SH3PXD2B: variants seen among roughly 807,000 people sequenced by gnomAD.
The protein encoded by SH3PXD2B is SH3 and PX domain-containing protein 2B.
SH3PXD2B carries 37 observed loss-of-function variants against 73.1 expected under a neutral mutation model. The observed-to-expected ratio is 0.51, with a 90% CI of 0.39 to 0.67. SH3PXD2B has a LOEUF of 0.67. Ranked by LOEUF, SH3PXD2B falls within the 30% of genes least tolerant of loss-of-function variation. The probability of loss-of-function intolerance (pLI) is 0.00; values close to 1 mark genes in which losing one functional copy is unlikely to be tolerated. For missense variants in SH3PXD2B, 1,053 were observed against 1,197.8 expected, an observed-to-expected ratio of 0.88 and a Z score of 1.78; for synonymous variants, 457 against 480.5, an observed-to-expected ratio of 0.95 and a Z score of 0.64.
At chr5:172,346,384 G>T in intron 11 of SH3PXD2B, 123 bp from the exon 12 acceptor site, 1 of 1,448,708 alleles carries the variant, frequency 6.9e-7, no homozygotes, top group Non-Finnish European at 9.5e-7. Flanking sequence ...GACCTAGTTG[G>T]ATTCTAAGGG....
In SH3PXD2B at chr5:172,340,015, G is replaced by A. The variant is rs541935731; in HGVS notation, c.1189-99C>T. The A allele has an allele frequency of 9.8e-5, 154 of 1,565,952 alleles. No homozygotes were observed. The African/African-American group carries it at 2.0e-3, about 21-fold the overall frequency. ...ATGTGCAACTGGAGCTCTAGAAGCT[G>A]TCACTGTGTACTCAGCAGCTCCTCT... On this transcript the variant is annotated intron_variant, in intron 12 of 12. Transcript: ENST00000311601.
At chr5:172,341,299 C>G (rs11748349) in intron 12 of SH3PXD2B, among the ~76,000 whole-genome samples, 67 of 152,066 alleles carry the variant, frequency 4.4e-4, no homozygotes, top group Non-Finnish European at 9.0e-4. Flanking sequence ...ATGTATGTCC[C>G]CACCCAAGTC....
At position 172,406,304 on chromosome 5, in the gene SH3PXD2B, T is replaced by G. The variant is rs778606247; in HGVS notation, c.205A>C (p.Lys69Gln). 3.7e-6 allele frequency: 6 copies of G among 1,614,128 alleles called. No individual in the cohort carries two copies. Among genetic ancestry groups the G allele is most frequent in the Non-Finnish European group, 4.2e-6 (5 of 1,180,000 alleles). The change falls in exon 3 of 13, where the codon AAG (lysine) becomes CAG (glutamine). Residue 69 changes from lysine (K) to glutamine (Q), a missense_variant. Lys to Gln is a moderately conservative substitution (Grantham distance 53). Around this residue, in one of 2 missense-constraint regions of SH3PXD2B, gnomAD observed 466 missense variants for 607.1 expected, o/e 0.77. Coordinates refer to ENST00000311601, the MANE Select transcript of SH3PXD2B (RefSeq NM_001017995.3). ...FPMEGGQKDP[K>Q]QRIIPFLPGK... Reference sequence around the variant, plus strand: ...GGCAGAAAGGGGATGATCCGCTGCTTGGGGTCCTTCTGTCCTCCTTCCATG... The same window carrying G: ...GGCAGAAAGGGGATGATCCGCTGCTGGGGGTCCTTCTGTCCTCCTTCCATG...
At chr5:172,415,334 G>C (rs1039581116) in intron 2 of SH3PXD2B, among the ~76,000 whole-genome samples, 1 of 152,186 alleles carries the variant, frequency 6.6e-6, no homozygotes, top group Non-Finnish European at 1.5e-5. Context: ...ATCTTAGAGG[G>C]AGGAGCCAAA....
chr5:172,439,688 GCGCGCA>G (rs1561583935), intron 1 of SH3PXD2B, among the ~76,000 whole-genome samples: 411 of 104,196 alleles, frequency 3.9e-3, no homozygotes, highest in African/African-American at 0.014. Context: ...GCGCGCACGC[GCGCGCA>G]CACACACACA....
chr5:172,357,853 C>T (rs1757316402), intron 8 of SH3PXD2B, among the ~76,000 whole-genome samples: 1 of 152,208 alleles, frequency 6.6e-6, no homozygotes, highest in South Asian at 2.1e-4. Context: ...TTCTCCTCAT[C>T]CTCTTTTCTA....
At chr5:172,369,741 T>A (rs540609106) in intron 6 of SH3PXD2B, among the ~76,000 whole-genome samples, 17 of 152,184 alleles carry the variant, frequency 1.1e-4, no homozygotes, top group African/African-American at 4.1e-4. Flanking sequence ...GAACTCCAGC[T>A]TGGGCAACAG....
intron 5 of SH3PXD2B, among the ~76,000 whole-genome samples, chr5:172,377,848 T>G (rs2113362568): frequency 6.6e-6 from 1 of 152,312 alleles, no homozygotes; most frequent in South Asian, 2.1e-4. Context: ...ATGTTCTATT[T>G]GTGTATGCAT....
rs769769270 is a variant in SH3PXD2B at position 172,382,113 on chromosome 5, C to A, written c.324G>T (p.Leu108=). The A allele has an allele frequency of 6.2e-7, 1 of 1,607,948 alleles. No homozygotes were observed. Among genetic ancestry groups the A allele is most frequent in the African/African-American group, 1.3e-5 (1 of 74,904 alleles). Residue 108 remains leucine, a synonymous_variant, in exon 5 of 13, where the codon CTG becomes CTT. Transcript: ENST00000311601. ...IDEYCKALIQ[L]PPYISQCDEV... is the part of the protein sequence containing the mutation. ...CATCACACTGAGAGATGTAGGGGGGCAGCTGGATGAGGGCCTGGAGAAGAG... is the reference window on the plus strand; with the variant it reads ...CATCACACTGAGAGATGTAGGGGGGAAGCTGGATGAGGGCCTGGAGAAGAG...
chr5:172,339,781 G>A lies in SH3PXD2B; in HGVS notation c.1324C>T (p.His442Tyr), dbSNP rs1756811382. The change falls in exon 13 of 13, where the codon CAC (histidine) becomes TAC (tyrosine). Residue 442 changes from histidine (H) to tyrosine (Y), a missense_variant. Physicochemically the swap from His to Tyr is moderately conservative, Grantham distance 83. Around this residue, in one of 2 missense-constraint regions of SH3PXD2B, gnomAD observed 466 missense variants for 607.1 expected, o/e 0.77. Coordinates refer to ENST00000311601, the MANE Select transcript of SH3PXD2B (RefSeq NM_001017995.3). The surrounding 1 kb of genome is among the most constrained non-coding windows in gnomAD (Gnocchi z 6.1). The stretch of plus-strand genomic sequence containing the variant: ...CCCAGCCGGAGCTGGGTCACCTCGT[G>A]GGGCAGGGGAGCCAGAAAGTTGGGT... ...SRPNFLAPLP[H>Y]EVTQLRLGEA... The A allele has an allele frequency of 6.2e-7, 1 of 1,612,976 alleles. No homozygotes were observed. Among genetic ancestry groups the A allele is most frequent in the African/African-American group, 1.3e-5 (1 of 74,908 alleles).
Position 172,343,707 on chromosome 5 carries a change from A to C in SH3PXD2B, c.1188+2429T>G, listed in dbSNP as rs1385842859. Reference sequence around the variant, plus strand: ...GTAATCCCAGCTACTTGGGAGGCTGAGGCAAGAGAATTGTCTGAACCTAGG... The same window carrying C: ...GTAATCCCAGCTACTTGGGAGGCTGCGGCAAGAGAATTGTCTGAACCTAGG... On this transcript the variant is annotated intron_variant, in intron 12 of 12. Coordinates refer to ENST00000311601, the MANE Select transcript of SH3PXD2B (RefSeq NM_001017995.3). Among the ~76,000 whole-genome samples the C allele has an allele frequency of 1.3e-5, 2 of 152,120 alleles. 1 individual carries two copies. Among genetic ancestry groups the C allele is most frequent in the Non-Finnish European group, 2.9e-5 (2 of 68,006 alleles).
Position 172,334,669 on chromosome 5 carries a change from T to C in SH3PXD2B, c.*3700A>G. 2 of 985,516 alleles carry C rather than the reference T, an allele frequency of 2.0e-6. No homozygotes were observed. The highest frequency in any genetic ancestry group is 2.4e-6 in the Non-Finnish European group (2 of 829,998). The allele number at this position is 985,516 out of a possible 1,614,324, so 61.0% of individuals were successfully genotyped here. A position where few individuals can be genotyped will look rare whatever the true frequency, so the allele number is the denominator to read the frequency against. On this transcript the variant is annotated 3_prime_UTR_variant, in exon 13 of 13. Transcript: ENST00000311601. The stretch of plus-strand genomic sequence containing the variant: ...GGTCCAGCTACGAATGTTTTTGTTC[T>C]TGATGTCAAGTTGCCAGCTACTGGA...
chr5:172,393,517 C>T lies in SH3PXD2B; in HGVS notation c.309+1046G>A, dbSNP rs570117398. Among the ~76,000 whole-genome samples, 7 of 152,276 alleles carry T rather than the reference C, an allele frequency of 4.6e-5. 1 individual carries two copies. The South Asian group carries it at 1.2e-3, about 27-fold the overall frequency. On this transcript the variant is annotated intron_variant, in intron 4 of 12. Coordinates refer to ENST00000311601, the MANE Select transcript of SH3PXD2B (RefSeq NM_001017995.3). ...GTGAGTCAAGAGTCAATACTCTTTC[C>T]TTCCCAATCTGGATGGCTTTTCTTT... is the stretch of plus-strand genomic sequence containing the variant.
intron 5 of SH3PXD2B, among the ~76,000 whole-genome samples, chr5:172,377,962 C>A (rs1254129426): frequency 1.3e-5 from 2 of 150,658 alleles, no homozygotes; most frequent in Non-Finnish European, 2.9e-5. Context: ...GTGCCCTTGG[C>A]TGGATGCAGC....
chr5:172,406,136 AT>A, intron 3 of SH3PXD2B, 140 bp downstream of exon 3: 1 of 1,029,192 alleles, frequency 9.7e-7, no homozygotes. Context: ...AAATGGGTTA[AT>A]TTCTACAAAT....
chr5:172,331,860 C>T (rs899378604), downstream of SH3PXD2B, among the ~76,000 whole-genome samples: 4 of 152,324 alleles, frequency 2.6e-5, no homozygotes, highest in Non-Finnish European at 5.9e-5. Flanking sequence ...GTACAAGAAT[C>T]GCTCGAGCCT....
intron 8 of SH3PXD2B, among the ~76,000 whole-genome samples, chr5:172,355,679 G>T (rs1175727735): frequency 6.6e-6 from 1 of 152,004 alleles, no homozygotes; most frequent in African/African-American, 2.4e-5. Flanking sequence ...CGAGTAGCTG[G>T]GACTACAGGT....
intron 1 of SH3PXD2B, among the ~76,000 whole-genome samples, chr5:172,426,094 T>C (rs1759090812): frequency 1.3e-5 from 2 of 152,226 alleles, no homozygotes; most frequent in African/African-American, 4.8e-5. Flanking sequence ...AAAAAAATTC[T>C]GCTTACACAA....
intron 3 of SH3PXD2B, among the ~76,000 whole-genome samples, chr5:172,397,862 A>G (rs914843105): frequency 6.6e-6 from 1 of 152,208 alleles, no homozygotes; most frequent in Non-Finnish European, 1.5e-5. Flanking sequence ...TCTCGGTCCA[A>G]AGCATGAAAG....
Sources: gnomAD v4.1 joint callset for allele counts (sites outside exome capture counted in the v4.1 genomes callset) on GRCh38, gnomAD v4.1.1 for gene constraint, gnomAD v4.1.1 regional missense constraint, Gnocchi (gnomAD v3.1) non-coding constraint, MANE v1.5 for transcripts, NCBI Gene and HGNC (gene_info 2026-07-23, HGNC 2026-07-21) for gene names.